Variants in TRPM3 observed in about 807,000 individuals in gnomAD.
TRPM3 encodes the protein transient receptor potential cation channel subfamily M member 3, also known as long transient receptor potential channel 3.
Under a neutral mutation model 181.2 loss-of-function variants are expected in TRPM3, and 77 were observed. That is an observed-to-expected ratio of 0.42 (90% CI 0.35 to 0.51). TRPM3 has a LOEUF of 0.51. Ranked by LOEUF, TRPM3 falls within the 20% of genes least tolerant of loss-of-function variation. TRPM3 has a pLI of 0.01. For missense variants in TRPM3, 1,759 were observed against 2,196.7 expected (o/e 0.80, Z 3.98); for synonymous variants, 745 against 796.4 (o/e 0.94, Z 1.09).
At chr9:70,854,594 G>A (rs559710710) in intron 3 of TRPM3, among the ~76,000 whole-genome samples, 2 of 152,242 alleles carry the variant, frequency 1.3e-5, no homozygotes, top group Admixed American at 6.5e-5. Flanking sequence ...AGTGATTGGT[G>A]CAGGTGTTTA....
chr9:71,313,170 A>G (rs1471263915), intron 1 of TRPM3, among the ~76,000 whole-genome samples: 1 of 152,124 alleles, frequency 6.6e-6, no homozygotes, highest in Admixed American at 6.6e-5. Flanking sequence ...ATATGGGACA[A>G]TGGAAATTCT....
chr9:71,087,373 T>G (rs1160234309), intron 1 of TRPM3, among the ~76,000 whole-genome samples: 1 of 152,110 alleles, frequency 6.6e-6, no homozygotes, highest in Non-Finnish European at 1.5e-5. Flanking sequence ...GATCTTTTCA[T>G]ATCCCACCAA....
chr9:71,098,777 C>T (rs554856593), intron 1 of TRPM3, among the ~76,000 whole-genome samples: 1 of 152,096 alleles, frequency 6.6e-6, no homozygotes, highest in Non-Finnish European at 1.5e-5. Flanking sequence ...TTACTCCTCC[C>T]CCTCAAGTGT....
Position 70,647,234 on chromosome 9 carries a change from GA to G in TRPM3, c.1346-6575del, listed in dbSNP as rs961571068. The stretch of plus-strand genomic sequence containing the variant: ...TAACCAAACCTGGCAGAGACACAAT[GA>G]AAAAAAAGAAAACTTCAGGCCAATA... On this transcript the variant is annotated intron_variant, in intron 9 of 25. Transcript: ENST00000677713. Among the ~76,000 whole-genome samples the G allele has an allele frequency of 2.0e-5, 3 of 151,396 alleles. No individual in the cohort carries two copies. In the East Asian group the frequency reaches 5.8e-4, roughly 29 times the overall value.
chr9:70,620,137 G>T lies in TRPM3; in HGVS notation c.2068C>A (p.His690Asn), dbSNP rs914969933. Residue 690 changes from histidine (H) to asparagine (N), a missense_variant, in exon 16 of 26, where the codon CAT becomes AAT. Coordinates refer to ENST00000677713, the MANE Select transcript of TRPM3 (RefSeq NM_001366145.2). ...VACKLCKAMA[H>N]EASENDMVDD... is the part of the protein sequence containing the mutation. ...ACCATGTCGTTCTCAGAGGCCTCAT[G>T]AGCCATGGCTTTGCAGAGCTTGCAG... 1 of 1,614,018 alleles carries T rather than the reference G, an allele frequency of 6.2e-7. No individual in the cohort carries two copies. Among genetic ancestry groups the T allele is most frequent in the African/African-American group, 1.3e-5 (1 of 75,056 alleles).
intron 22 of TRPM3, among the ~76,000 whole-genome samples, chr9:70,574,789 A>G (rs2053466761): frequency 6.6e-6 from 1 of 152,164 alleles, no homozygotes; most frequent in Admixed American, 6.5e-5. Flanking sequence ...GGCTGACACA[A>G]TGGGAGAAAC....
chr9:71,169,323 C>T (rs1175170661), intron 1 of TRPM3, among the ~76,000 whole-genome samples: 1 of 152,120 alleles, frequency 6.6e-6, no homozygotes, highest in African/African-American at 2.4e-5. Context: ...TTATATTCAC[C>T]AACGGTTGGA....
intron 1 of TRPM3, among the ~76,000 whole-genome samples, chr9:71,292,501 CTA>C (rs890833253): frequency 4.6e-4 from 69 of 151,600 alleles, no homozygotes; most frequent in African/African-American, 1.5e-3. Context: ...AAACAATAAA[CTA>C]TGAAAATATG....
intron 1 of TRPM3, among the ~76,000 whole-genome samples, chr9:71,183,974 C>T (rs1565314515): frequency 6.6e-6 from 1 of 152,120 alleles, no homozygotes. Context: ...CAGGCCCCCA[C>T]TGAATGAACA....
At chr9:70,660,672 A>C (rs1427952302) in intron 9 of TRPM3, among the ~76,000 whole-genome samples, 1 of 152,110 alleles carries the variant, frequency 6.6e-6, no homozygotes, top group Non-Finnish European at 1.5e-5. Context: ...TTACACACAC[A>C]AACTAGAAAA....
chr9:70,601,796 T>G (rs2060026801), intron 20 of TRPM3, among the ~76,000 whole-genome samples: 1 of 152,226 alleles, frequency 6.6e-6, no homozygotes. Context: ...GACTGCTCCC[T>G]GTCTTCTCCC....
chr9:70,949,851 T>C (rs1169601346), intron 1 of TRPM3, among the ~76,000 whole-genome samples: 1 of 152,178 alleles, frequency 6.6e-6, no homozygotes, highest in Non-Finnish European at 1.5e-5. Context: ...TCTTTTCTAG[T>C]GGTGGAAATC....
chr9:70,812,979 G>T (rs1243080132), intron 6 of TRPM3, among the ~76,000 whole-genome samples: 1 of 152,156 alleles, frequency 6.6e-6, no homozygotes, highest in Non-Finnish European at 1.5e-5. Flanking sequence ...GGAATAAAAA[G>T]TGAAACTAAG....
intron 1 of TRPM3, among the ~76,000 whole-genome samples, chr9:71,387,032 TTAGA>T (rs1320222481): frequency 6.6e-6 from 1 of 152,220 alleles, no homozygotes; most frequent in African/African-American, 2.4e-5. Context: ...CTTACACTTA[TTAGA>T]TAGTTATCTA....
chr9:71,401,484 A>T (rs2093340279), intron 1 of TRPM3, among the ~76,000 whole-genome samples: 1 of 152,166 alleles, frequency 6.6e-6, no homozygotes, highest in African/African-American at 2.4e-5. Context: ...GTAGTGTTTT[A>T]AATTAGGTAA....
chr9:71,179,765 T>C (rs1190130174), intron 1 of TRPM3, among the ~76,000 whole-genome samples: 1 of 152,108 alleles, frequency 6.6e-6, no homozygotes, highest in Non-Finnish European at 1.5e-5. Flanking sequence ...CATCAGGAAA[T>C]TTTCCATTCG....
chr9:70,908,374 G>A (rs1006053178), intron 1 of TRPM3, among the ~76,000 whole-genome samples: 3 of 152,160 alleles, frequency 2.0e-5, no homozygotes, highest in Admixed American at 2.0e-4. Flanking sequence ...GGACTAGTTG[G>A]TTTCAGACCA....
At chr9:71,090,968 G>T (rs1248722615) in intron 1 of TRPM3, among the ~76,000 whole-genome samples, 1 of 152,042 alleles carries the variant, frequency 6.6e-6, no homozygotes, top group African/African-American at 2.4e-5. Flanking sequence ...TATATCCACA[G>T]TAGGACATTT....
At chr9:71,080,201 A>AATAAATAC (rs2064065439) in intron 1 of TRPM3, among the ~76,000 whole-genome samples, 1 of 150,480 alleles carries the variant, frequency 6.6e-6, no homozygotes. Context: ...TAAATAAATA[A>AATAAATAC]ATAAATAAAA....
Sources: gnomAD v4.1 joint callset for allele counts (sites outside exome capture counted in the v4.1 genomes callset) on GRCh38, gnomAD v4.1.1 for gene constraint, MANE v1.5 for transcripts, NCBI Gene and HGNC (gene_info 2026-07-23, HGNC 2026-07-21) for gene names.